Variants in R3HDM1 observed in about 807,000 individuals in gnomAD.
R3HDM1 encodes R3H domain-containing protein 1.
In R3HDM1, 46 loss-of-function variants were observed where a neutral mutation model predicts 141.1. The ratio of observed to expected loss-of-function variants is 0.33; its 90% confidence interval spans 0.26 to 0.42. R3HDM1 has a LOEUF of 0.42. Ranked by LOEUF, R3HDM1 falls within the 10% of genes least tolerant of loss-of-function variation. The pLI is 1.00. For synonymous variants in R3HDM1, 435 were observed against 472.9 expected (o/e 0.92, Z 1.04); for missense variants, 1,184 against 1,368.3 (o/e 0.87, Z 2.12).
In R3HDM1 at chr2:135,725,216, T is replaced by C. The variant is rs1337296645; in HGVS notation, c.*924T>C. 2 of 152,666 alleles carry C rather than the reference T, an allele frequency of 1.3e-5. No homozygotes were observed. The highest frequency in any genetic ancestry group is 2.4e-5 in the African/African-American group (1 of 41,474). The allele number at this position is 152,666 out of a possible 1,614,324, so 9.5% of individuals were successfully genotyped here. On this transcript the variant is annotated 3_prime_UTR_variant, in exon 27 of 27. Transcript: ENST00000683871. ...CTGTGTAATTTGCAAGGCTGTACAA[T>C]GTGTGCTGATGCAAGCCTTTTTCAG...
intron 21 of R3HDM1, among the ~76,000 whole-genome samples, chr2:135,689,377 T>C (rs76345043): frequency 1.4e-3 from 212 of 152,342 alleles, no homozygotes; most frequent in African/African-American, 4.6e-3. Context: ...AGATCTTAGA[T>C]GGAAAGTGTA....
At chr2:135,540,829 G>A (rs1160760145) in intron 1 of R3HDM1, among the ~76,000 whole-genome samples, 2 of 152,196 alleles carry the variant, frequency 1.3e-5, no homozygotes, top group African/African-American at 2.4e-5. Flanking sequence ...GCCTTACAAA[G>A]TGTATTTCAT....
At chr2:135,576,367 G>A (rs1178915880) in intron 1 of R3HDM1, among the ~76,000 whole-genome samples, 5 of 149,354 alleles carry the variant, frequency 3.3e-5, no homozygotes, top group Non-Finnish European at 4.4e-5. Flanking sequence ...AGACCCTGTC[G>A]CAAAAAAAAA....
chr2:135,625,609 CT>C (rs1390417867), intron 7 of R3HDM1, among the ~76,000 whole-genome samples: 3 of 152,114 alleles, frequency 2.0e-5, no homozygotes, highest in Admixed American at 2.0e-4. Context: ...CTAATGTTGA[CT>C]GATAGCTTCA....
At chr2:135,660,495 G>C (rs1040078767) in intron 18 of R3HDM1, among the ~76,000 whole-genome samples, 1 of 152,162 alleles carries the variant, frequency 6.6e-6, no homozygotes, top group Non-Finnish European at 1.5e-5. Flanking sequence ...TTGGCATCAT[G>C]TTGGTACTCA....
intron 1 of R3HDM1, among the ~76,000 whole-genome samples, chr2:135,590,921 A>T (rs1353659356): frequency 6.6e-6 from 1 of 152,126 alleles, no homozygotes; most frequent in African/African-American, 2.4e-5. Context: ...TTCTAACATA[A>T]TCCTTAGGTG....
Position 135,565,304 on chromosome 2 carries a change from T to A in R3HDM1, c.-250+33671T>A, listed in dbSNP as rs895829712. Among the ~76,000 whole-genome samples the A allele has an allele frequency of 1.9e-4, 29 of 149,434 alleles. 1 individual carries two copies. The highest frequency in any genetic ancestry group is 2.4e-4 in the Non-Finnish European group (16 of 67,614). On this transcript the variant is annotated intron_variant, in intron 1 of 26. Transcript: ENST00000683871. ...TTGCACTTGGCAAAATTCTCTTCTG[T>A]CCTTGCCAATGAAAAAAAATTATTA...
chr2:135,549,635 G>T (rs1699472053), intron 1 of R3HDM1, among the ~76,000 whole-genome samples: 1 of 151,626 alleles, frequency 6.6e-6, no homozygotes, highest in African/African-American at 2.4e-5. Context: ...AAACTCCTGG[G>T]CTCAAGGGAT....
In R3HDM1 at chr2:135,629,662, G is replaced by C. The variant is rs149627861; in HGVS notation, c.498-2056G>C. ...CAGCATGTTCAAAGTACCTGAGAAA[G>C]ACAGGAGCTTGGCAAATACAGAAAT... is the stretch of plus-strand genomic sequence containing the variant. On this transcript the variant is annotated intron_variant, in intron 7 of 26. Coordinates refer to ENST00000683871, the MANE Select transcript of R3HDM1 (RefSeq NM_001378107.1). 5.9e-5 allele frequency among the ~76,000 whole-genome samples: 9 copies of C among 152,276 alleles called. No individual in the cohort carries two copies. In the East Asian group the frequency reaches 1.7e-3, roughly 29 times the overall value.
intron 7 of R3HDM1, among the ~76,000 whole-genome samples, chr2:135,627,692 T>A (rs908890370): frequency 6.6e-6 from 1 of 152,160 alleles, no homozygotes; most frequent in Non-Finnish European, 1.5e-5. Flanking sequence ...TTAAGTAATT[T>A]GTTTTGCTCT....
intron 1 of R3HDM1, among the ~76,000 whole-genome samples, chr2:135,576,392 T>C (rs1705433412): frequency 6.6e-6 from 1 of 151,958 alleles, no homozygotes. Flanking sequence ...AAAAAAGTGT[T>C]AAATCACTGA....
At chr2:135,653,860 G>A (rs2065444396) in intron 18 of R3HDM1, among the ~76,000 whole-genome samples, 1 of 152,180 alleles carries the variant, frequency 6.6e-6, no homozygotes, top group Non-Finnish European at 1.5e-5. Context: ...CCCAGTAGGC[G>A]GAGGTTGCAG....
At chr2:135,540,908 A>G (rs1697333328) in intron 1 of R3HDM1, among the ~76,000 whole-genome samples, 1 of 152,240 alleles carries the variant, frequency 6.6e-6, no homozygotes, top group Non-Finnish European at 1.5e-5. Flanking sequence ...GTTAGCAGTC[A>G]AAGGAACATT....
intron 15 of R3HDM1, chr2:135,645,108 A>G: frequency 4.8e-6 from 1 of 207,438 alleles, no homozygotes; most frequent in Non-Finnish European, 9.4e-6. Context: ...TTAATTAATT[A>G]AATTAAGCTC....
At position 135,621,619 on chromosome 2, in the gene R3HDM1, CTTTT is replaced by C; in HGVS notation, c.418+12_418+15del. 2 of 1,525,328 alleles carry C rather than the reference CTTTT, an allele frequency of 1.3e-6. No individual in the cohort carries two copies. Among genetic ancestry groups the C allele is most frequent in the Non-Finnish European group, 1.7e-6 (2 of 1,146,460 alleles). The allele number at this position is 1,525,328 out of a possible 1,614,324, so 94.5% of individuals were successfully genotyped here. A position where few individuals can be genotyped will look rare whatever the true frequency, so the allele number is the denominator to read the frequency against. The stretch of plus-strand genomic sequence containing the variant: ...AAATGTTATCAAGAGGTTTGCAGTT[CTTTT>C]GTTTTTTTTTAAAAAAAAATTTTGC... On this transcript the variant is annotated intron_variant, in intron 6 of 26. Coordinates refer to ENST00000683871, the MANE Select transcript of R3HDM1 (RefSeq NM_001378107.1).
intron 1 of R3HDM1, among the ~76,000 whole-genome samples, chr2:135,572,924 T>C (rs1395885204): frequency 1.3e-5 from 2 of 152,214 alleles, no homozygotes; most frequent in African/African-American, 4.8e-5. Flanking sequence ...TATTGTATGA[T>C]ACCATTTATA....
chr2:135,631,609 G>A (rs2062725650), intron 7 of R3HDM1, 109 bp from the exon 8 acceptor site: 1 of 770,380 alleles, frequency 1.3e-6, no homozygotes, highest in African/African-American at 1.8e-5. Flanking sequence ...AATACTGAAT[G>A]TATAGTTTTT....
chr2:135,661,608 A>G (rs2066724847), intron 19 of R3HDM1, among the ~76,000 whole-genome samples: 1 of 152,196 alleles, frequency 6.6e-6, no homozygotes, highest in Non-Finnish European at 1.5e-5. Flanking sequence ...AAGGGTTGGG[A>G]GCTGTACTGG....
chr2:135,607,348 C>T lies in R3HDM1; in HGVS notation c.171+2332C>T, dbSNP rs530813711. Reference sequence around the variant, plus strand: ...TTCAGTCAAAAACTGTCTTTTTTTCCTATTATGTACCAGACACCAGGTTAG... The same window carrying T: ...TTCAGTCAAAAACTGTCTTTTTTTCTTATTATGTACCAGACACCAGGTTAG... On this transcript the variant is annotated intron_variant, in intron 3 of 26. Coordinates refer to ENST00000683871, the MANE Select transcript of R3HDM1 (RefSeq NM_001378107.1). 49 of 983,966 alleles carry T rather than the reference C, an allele frequency of 5.0e-5. No individual in the cohort carries two copies. In the South Asian group the frequency reaches 1.5e-3, roughly 30 times the overall value. The allele number at this position is 983,966 out of a possible 1,614,324, so 61.0% of individuals were successfully genotyped here. A position where few individuals can be genotyped will look rare whatever the true frequency, so the allele number is the denominator to read the frequency against.
Sources: gnomAD v4.1 joint callset for allele counts (sites outside exome capture counted in the v4.1 genomes callset) on GRCh38, gnomAD v4.1.1 for gene constraint, MANE v1.5 for transcripts, NCBI Gene and HGNC (gene_info 2026-07-23, HGNC 2026-07-21) for gene names.